The following MYO16 variants were observed in gnomAD, a reference collection of about 807,000 sequenced individuals.
MYO16 encodes the protein myosin XVI, also known as unconventional myosin-XVI.
A neutral mutation model predicts 205.3 loss-of-function variants in MYO16; 94 were observed. The ratio of observed to expected loss-of-function variants is 0.46; its 90% CI spans 0.39 to 0.54. The LOEUF is 0.54. Among genes scored for constraint, MYO16 ranks in the 20% least tolerant of loss-of-function variants. MYO16 has a pLI of 0.00. For synonymous variants in MYO16, 988 were observed against 954.0 expected (o/e 1.04, Z -0.66); for missense variants, 2,315 against 2,387.5 (o/e 0.97, Z 0.63).
chr13:109,022,491 A>G (rs1167040834), intron 23 of MYO16, among the ~76,000 whole-genome samples: 1 of 92,622 alleles, frequency 1.1e-5, no homozygotes, highest in Non-Finnish European at 2.0e-5. Flanking sequence ...TATGTTATAT[A>G]TACAATATAA....
intron 1 of MYO16, among the ~76,000 whole-genome samples, chr13:108,615,066 G>A (rs1440328927): frequency 1.3e-5 from 2 of 151,924 alleles, no homozygotes; most frequent in East Asian, 1.9e-4. Context: ...ATCTGATATA[G>A]GACTTTTTTC....
intron 21 of MYO16, among the ~76,000 whole-genome samples, chr13:108,993,127 C>G (rs114461454): frequency 6.6e-6 from 1 of 151,934 alleles, no homozygotes; most frequent in Non-Finnish European, 1.5e-5. Flanking sequence ...CATTATAGTA[C>G]GGGAAGAATT....
chr13:108,956,169 T>C (rs1432566715), intron 16 of MYO16, among the ~76,000 whole-genome samples: 1 of 152,216 alleles, frequency 6.6e-6, no homozygotes, highest in Non-Finnish European at 1.5e-5. Flanking sequence ...TCCAGAAACC[T>C]ATTCCTCCTC....
At chr13:108,510,461 GTTT>G in the MYO16 span, among the ~76,000 whole-genome samples, 2,453 of 45,800 alleles carry the variant, frequency 0.054, 63 homozygotes, top group South Asian at 0.18. Context: ...ATTGATAGCT[GTTT>G]TTTTTTTTTT....
At chr13:109,044,571 T>C (rs532638939) in intron 23 of MYO16, among the ~76,000 whole-genome samples, 1 of 152,250 alleles carries the variant, frequency 6.6e-6, no homozygotes, top group East Asian at 1.9e-4. Context: ...TTATATAGTA[T>C]GCCAGAAGAA....
intron 4 of MYO16, among the ~76,000 whole-genome samples, chr13:108,763,235 G>T (rs1309092505): frequency 6.6e-6 from 1 of 152,134 alleles, no homozygotes; most frequent in Non-Finnish European, 1.5e-5. Flanking sequence ...TGGTATACTA[G>T]TTCATGGAAT....
At chr13:108,849,103 C>T (rs751985437) in intron 10 of MYO16, among the ~76,000 whole-genome samples, 7 of 152,154 alleles carry the variant, frequency 4.6e-5, no homozygotes, top group African/African-American at 9.7e-5. Context: ...CCTTGGGAAG[C>T]GAAGTAAAGT....
chr13:108,830,622 AG>A lies in MYO16; in HGVS notation c.1097+7350del, dbSNP rs568719404. On this transcript the variant is annotated intron_variant, in intron 9 of 34. Coordinates refer to ENST00000457511, the MANE Select transcript of MYO16 (RefSeq NM_001198950.3). ...CTGGGGACTGTTGTGGGGTGGGGGG[AG>A]GGGGGAGGGATAGTATTGGGAGATA... is the stretch of plus-strand genomic sequence containing the variant. Among the ~76,000 whole-genome samples the A allele has an allele frequency of 9.1e-3, 638 of 69,856 alleles. 8 individuals carry two copies. The highest frequency in any genetic ancestry group is 0.036 in the African/African-American group (605 of 16,908). 45.8% of individuals were successfully genotyped at this position (69,856 alleles called of 152,430 possible).
intron 31 of MYO16, among the ~76,000 whole-genome samples, chr13:109,130,163 A>G (rs117418624): frequency 0.018 from 2,725 of 152,324 alleles, 39 homozygotes; most frequent in South Asian, 0.03. Flanking sequence ...CATGCTATCA[A>G]AATACATCAT....
intron 4 of MYO16, among the ~76,000 whole-genome samples, chr13:108,756,752 T>G (rs1885434594): frequency 6.6e-6 from 1 of 152,102 alleles, no homozygotes. Context: ...AGTCTATGGA[T>G]TTGAATGCTA....
At chr13:108,573,677 C>T in the MYO16 span, among the ~76,000 whole-genome samples, 4 of 152,200 alleles carry the variant, frequency 2.6e-5, no homozygotes, top group Admixed American at 1.3e-4. Flanking sequence ...TTGATCTCCT[C>T]ACCAGACTTC....
intron 1 of MYO16, among the ~76,000 whole-genome samples, chr13:108,624,577 G>A (rs962046986): frequency 2.0e-5 from 3 of 152,124 alleles, no homozygotes; most frequent in African/African-American, 4.8e-5. Flanking sequence ...TAGTTGTAAC[G>A]CATATGCTGG....
chr13:109,177,691 A>C (rs1244604127), intron 33 of MYO16, among the ~76,000 whole-genome samples: 1 of 151,828 alleles, frequency 6.6e-6, no homozygotes, highest in Non-Finnish European at 1.5e-5. Flanking sequence ...GTAATTTTGT[A>C]TTTTTAGTAG....
At chr13:108,852,232 C>G (rs2139092563) in intron 10 of MYO16, among the ~76,000 whole-genome samples, 1 of 152,330 alleles carries the variant, frequency 6.6e-6, no homozygotes, top group East Asian at 1.9e-4. Flanking sequence ...CCCCCCAGCC[C>G]CCCAGTAGGG....
intron 33 of MYO16, among the ~76,000 whole-genome samples, chr13:109,176,315 T>C (rs1879172760): frequency 1.3e-5 from 2 of 152,016 alleles, no homozygotes; most frequent in Admixed American, 6.6e-5. Flanking sequence ...TGTCCATTTT[T>C]TAATATCTGG....
intron 7 of MYO16, among the ~76,000 whole-genome samples, chr13:108,810,241 A>C (rs1887246999): frequency 6.6e-6 from 1 of 152,222 alleles, no homozygotes; most frequent in African/African-American, 2.4e-5. Flanking sequence ...ACTTTGTTCC[A>C]TTAAGCCTAC....
the MYO16 span, among the ~76,000 whole-genome samples, chr13:108,552,935 C>A: frequency 6.6e-6 from 1 of 151,358 alleles, no homozygotes; most frequent in Non-Finnish European, 1.5e-5. Context: ...GCACAAATCC[C>A]ACTTATGAGG....
intron 23 of MYO16, among the ~76,000 whole-genome samples, chr13:109,043,374 A>G (rs1052560228): frequency 6.6e-6 from 1 of 151,894 alleles, no homozygotes; most frequent in African/African-American, 2.4e-5. Context: ...ATTTAATGAA[A>G]CTCTGATGGT....
chr13:109,056,049 C>T (rs533043236), intron 27 of MYO16: 1 of 159,522 alleles, frequency 6.3e-6, no homozygotes, highest in Middle Eastern at 3.4e-3. Flanking sequence ...TTTATTGGAA[C>T]ATGGCCACAA....
Sources: allele counts gnomAD v4.1 joint callset (sites outside exome capture counted in the v4.1 genomes callset), GRCh38; gene constraint gnomAD v4.1.1; transcripts MANE v1.5; gene names NCBI Gene and HGNC (gene_info 2026-07-23, HGNC 2026-07-21).